The following MORC4 variants were observed in gnomAD, a reference collection of about 807,000 sequenced individuals.
The protein encoded by MORC4 is MORC family CW-type zinc finger protein 4.
In MORC4, 22 loss-of-function variants were observed where a neutral mutation model predicts 65.5. The ratio of observed to expected loss-of-function variants is 0.34; its 90% confidence interval spans 0.24 to 0.48. The LOEUF (loss-of-function observed/expected upper bound fraction) is 0.48. MORC4 is among the 20% of genes least tolerant of loss of function. The pLI is 0.99. For missense variants in MORC4, 624 were observed against 703.0 expected (o/e 0.89, Z 1.27); for synonymous variants, 267 against 255.8 (o/e 1.04, Z -0.42).
At chrX:106,953,691 T>C (rs753603482) in intron 14 of MORC4, among the ~76,000 whole-genome samples, 1 of 111,461 alleles carries the variant, frequency 9.0e-6, no homozygotes, top group Admixed American at 9.5e-5. Flanking sequence ...TTTCGCTGTG[T>C]TGTCCAGGCT....
rs570446792 is a variant in MORC4 at position 106,952,620 on chromosome X, T to A, written c.1685+2293A>T. Among the ~76,000 whole-genome samples the A allele has an allele frequency of 8.9e-5, 10 of 111,973 alleles. No individual in the cohort carries two copies. In the East Asian group the frequency reaches 2.0e-3, roughly 22 times the overall value. ...AACCTATTCTTTATTGCAGGTCCTC[T>A]CCTCCCCTTGCTAGATTTGTGGGAC... is the stretch of plus-strand genomic sequence containing the variant. On this transcript the variant is annotated intron_variant, in intron 14 of 16. Coordinates refer to ENST00000355610, the MANE Select transcript of MORC4 (RefSeq NM_024657.5).
At chrX:106,942,421 A>T in intron 15 of MORC4, 94 bp downstream of exon 15, 1 of 924,801 alleles carries the variant, frequency 1.1e-6, no homozygotes, top group Non-Finnish European at 1.5e-6. Context: ...TATTTTATTT[A>T]AAGGCCTCAG....
Position 106,994,508 on chromosome X carries a change from G to T in MORC4, c.176-1146C>A, listed in dbSNP as rs926531480. Among the ~76,000 whole-genome samples the T allele has an allele frequency of 1.8e-5, 2 of 111,755 alleles. 1 individual carries two copies. Among genetic ancestry groups the T allele is most frequent in the South Asian group, 7.4e-4 (2 of 2,694 alleles). ...GATCAAATTATATCATTTTTTCCCA[G>T]GAACACCCCTTACAATCCAGAGAAG... On this transcript the variant is annotated intron_variant, in intron 2 of 16. Coordinates refer to ENST00000355610, the MANE Select transcript of MORC4 (RefSeq NM_024657.5).
intron 14 of MORC4, among the ~76,000 whole-genome samples, chrX:106,945,107 T>C (rs968354423): frequency 8.9e-6 from 1 of 111,985 alleles, no homozygotes; most frequent in Admixed American, 9.5e-5. Context: ...GTGCTTAACA[T>C]GTATTGCCTC....
intron 14 of MORC4, among the ~76,000 whole-genome samples, chrX:106,947,703 T>TA (rs1933884508): frequency 9.6e-6 from 1 of 104,298 alleles, no homozygotes. Flanking sequence ...TCAGACAAGA[T>TA]AGACTTTTAA....
At chrX:106,977,390 T>A (rs776742092) in intron 8 of MORC4, among the ~76,000 whole-genome samples, 1 of 111,953 alleles carries the variant, frequency 8.9e-6, no homozygotes, top group East Asian at 2.8e-4. Context: ...TTGAAGCAGT[T>A]CATCATTTTT....
chrX:106,963,506 C>G (rs377036783), intron 9 of MORC4, among the ~76,000 whole-genome samples: 3 of 111,826 alleles, frequency 2.7e-5, no homozygotes, highest in Non-Finnish European at 5.6e-5. Flanking sequence ...GGACACTGTC[C>G]TCCAAATATT....
chrX:106,971,038 A>C (rs939237509), intron 9 of MORC4, among the ~76,000 whole-genome samples: 5 of 111,877 alleles, frequency 4.5e-5, no homozygotes, highest in African/African-American at 6.5e-5. Context: ...ACAAAGCTGG[A>C]GGCATCACAC....
intron 2 of MORC4, among the ~76,000 whole-genome samples, chrX:106,995,416 T>TA (rs1935059957): frequency 8.9e-6 from 1 of 111,917 alleles, no homozygotes; most frequent in Non-Finnish European, 1.9e-5. Context: ...GTATTTCCAG[T>TA]AAAAAGACCT....
chrX:106,990,701 G>A (rs1294923678), intron 3 of MORC4, among the ~76,000 whole-genome samples: 3 of 111,696 alleles, frequency 2.7e-5, no homozygotes, highest in African/African-American at 9.7e-5. Flanking sequence ...GTGAAACCCC[G>A]TCTCTACTAA....
intron 2 of MORC4, among the ~76,000 whole-genome samples, chrX:106,996,004 T>C (rs982257792): frequency 6.3e-5 from 7 of 111,644 alleles, no homozygotes; most frequent in African/African-American, 2.0e-4. Flanking sequence ...ACTTTGGACA[T>C]AGAGGTATTC....
Position 106,942,232 on chromosome X carries a change from A to C in MORC4, c.2377-11T>G, listed in dbSNP as rs747006291. 8.4e-7 allele frequency: 1 copy of C among 1,195,171 alleles called. No homozygotes were observed. The highest frequency in any genetic ancestry group is 1.8e-5 in the South Asian group (1 of 54,291). ...TTCCAGCTCCTCCACCTGCAGTCCA[A>C]GAAACAGAAATTCAATGACCCCACA... is the stretch of plus-strand genomic sequence containing the variant. On this transcript the variant is annotated splice_polypyrimidine_tract_variant and intron_variant, in intron 15 of 16. Transcript: ENST00000355610.
At chrX:106,995,274 T>C (rs1422793449) in intron 2 of MORC4, among the ~76,000 whole-genome samples, 1 of 111,395 alleles carries the variant, frequency 9.0e-6, no homozygotes, top group Non-Finnish European at 1.9e-5. Context: ...GCTGCAAGAT[T>C]AACTTTCCTG....
chrX:106,981,086 A>G (rs1041984268), intron 6 of MORC4, 67 bp from the exon 7 acceptor site: 1 of 1,134,181 alleles, frequency 8.8e-7, no homozygotes, highest in African/African-American at 1.8e-5. Context: ...CATCCCCATA[A>G]AACACTGCTA....
chrX:106,993,452 G>A lies in MORC4; in HGVS notation c.176-90C>T. ...TCAGTGACGCCAAGACATAAGAAAT[G>A]TCCTTTATTTCCTTCATTTGGATGT... On this transcript the variant is annotated intron_variant, in intron 2 of 16. Transcript: ENST00000355610. 8.5e-6 allele frequency: 8 copies of A among 940,342 alleles called. No individual in the cohort carries two copies. The South Asian group carries it at 9.8e-5, about 12-fold the overall frequency. The allele number at this position is 940,342 out of a possible 1,213,427, so 77.5% of individuals were successfully genotyped here.
At chrX:106,991,686 T>C (rs997943640) in intron 3 of MORC4, among the ~76,000 whole-genome samples, 3 of 111,766 alleles carry the variant, frequency 2.7e-5, no homozygotes, top group Non-Finnish European at 3.8e-5. Flanking sequence ...GCAGATCACT[T>C]GAGGTCAGGA....
At position 106,999,919 on chromosome X, in the gene MORC4, C is replaced by T; in HGVS notation, c.51G>A (p.Gly17=). The T allele has an allele frequency of 1.2e-6, 1 of 846,544 alleles. No homozygotes were observed. The highest frequency in any genetic ancestry group is 1.4e-6 in the Non-Finnish European group (1 of 697,131). 69.8% of individuals were successfully genotyped at this position (846,544 alleles called of 1,213,427 possible). The change falls in exon 1 of 17, where the codon GGG becomes GGA. Residue 17 remains glycine (G), a synonymous_variant. Transcript: ENST00000355610. ...APAGPGAPGC[G]LARPGGGPQA... is the part of the protein sequence containing the mutation. ...GCGGGCCGCCGCCGGGCCGGGCCAG[C>T]CCGCAGCCCGGCGCGCCAGGGCCGG...
chrX:106,958,935 A>C (rs750466114), intron 10 of MORC4, among the ~76,000 whole-genome samples: 2 of 111,469 alleles, frequency 1.8e-5, no homozygotes, highest in African/African-American at 6.5e-5. Context: ...ACAGGCTTAA[A>C]ATCCATTTAT....
chrX:106,963,238 A>C (rs1934291144), intron 9 of MORC4, among the ~76,000 whole-genome samples: 1 of 112,131 alleles, frequency 8.9e-6, no homozygotes. Context: ...GCAGAATAAG[A>C]AGCATGTGGA....
Sources: allele counts gnomAD v4.1 joint callset (sites outside exome capture counted in the v4.1 genomes callset), GRCh38; gene constraint gnomAD v4.1.1; transcripts MANE v1.5; gene names NCBI Gene and HGNC (gene_info 2026-07-23, HGNC 2026-07-21).